Variants in MAPK10 observed in about 807,000 individuals in gnomAD.
MAPK10 encodes mitogen-activated protein kinase 10, also known as JNK3 alpha protein kinase.
MAPK10 carries 25 observed loss-of-function variants against 59.3 expected under a neutral mutation model. The observed-to-expected ratio is 0.42, with a 90% CI of 0.31 to 0.59. The LOEUF is 0.59. Ranked by LOEUF, MAPK10 falls within the 20% of genes least tolerant of loss-of-function variation. The pLI is 0.15. For synonymous variants in MAPK10, 190 were observed against 200.5 expected, an observed-to-expected ratio of 0.95 and a Z score of 0.44; for missense variants, 351 against 568.9, an observed-to-expected ratio of 0.62 and a Z score of 3.90.
intron 2 of MAPK10, among the ~76,000 whole-genome samples, chr4:86,279,861 G>A (rs1051858494): frequency 3.3e-5 from 5 of 152,202 alleles, no homozygotes; most frequent in Middle Eastern, 3.4e-3. Context: ...GTTGTTTCCC[G>A]CCCATCTTCC....
At chr4:86,573,966 A>G (rs897620365) in intron 1 of MAPK10, among the ~76,000 whole-genome samples, 12 of 152,160 alleles carry the variant, frequency 7.9e-5, no homozygotes, top group Admixed American at 4.6e-4. Flanking sequence ...CAGGTTAGTT[A>G]CATATGTATA....
At chr4:86,296,555 G>A (rs779929312) in intron 2 of MAPK10, among the ~76,000 whole-genome samples, 1 of 152,150 alleles carries the variant, frequency 6.6e-6, no homozygotes, top group Non-Finnish European at 1.5e-5. Context: ...TTAAAAATAT[G>A]TATATAGGAA....
intron 4 of MAPK10, among the ~76,000 whole-genome samples, chr4:86,136,610 G>A (rs2149161510): frequency 6.6e-6 from 1 of 150,394 alleles, no homozygotes; most frequent in East Asian, 1.9e-4. Flanking sequence ...CCGAGACTAG[G>A]AAGAAACTGC....
chr4:86,125,489 A>G (rs981266138), intron 4 of MAPK10: 5 of 152,140 alleles, frequency 3.3e-5, no homozygotes, highest in South Asian at 2.1e-4. Context: ...CATTGACAAA[A>G]TATTCCCTTT....
At chr4:86,411,009 A>G (rs1209908641) in intron 1 of MAPK10, among the ~76,000 whole-genome samples, 1 of 152,116 alleles carries the variant, frequency 6.6e-6, no homozygotes, top group Non-Finnish European at 1.5e-5. Context: ...TCAATTTTAG[A>G]TCTTTCCTGC....
chr4:86,410,356 A>G (rs1346512864), intron 1 of MAPK10, among the ~76,000 whole-genome samples: 1 of 152,134 alleles, frequency 6.6e-6, no homozygotes, highest in Non-Finnish European at 1.5e-5. Flanking sequence ...ATTGGCCTAA[A>G]ATTCTCTTTT....
At chr4:86,278,420 G>C (rs2094665870) in intron 2 of MAPK10, among the ~76,000 whole-genome samples, 2 of 152,150 alleles carry the variant, frequency 1.3e-5, no homozygotes, top group Non-Finnish European at 2.9e-5. Context: ...GGGAACGTTA[G>C]TTATGTGTAG....
chr4:86,207,057 C>CCCA (rs1397340365), intron 2 of MAPK10, among the ~76,000 whole-genome samples: 1 of 151,400 alleles, frequency 6.6e-6, no homozygotes, highest in Non-Finnish European at 1.5e-5. Flanking sequence ...TTAATTAGAT[C>CCCA]CCATTTGTCA....
chr4:86,517,400 C>G (rs1032766360), intron 1 of MAPK10, among the ~76,000 whole-genome samples: 1 of 151,104 alleles, frequency 6.6e-6, no homozygotes, highest in East Asian at 1.9e-4. Flanking sequence ...CTCAGCTTCG[C>G]GAGTAGCTGA....
At chr4:86,185,750 G>C (rs2078067026) in intron 3 of MAPK10, among the ~76,000 whole-genome samples, 1 of 152,154 alleles carries the variant, frequency 6.6e-6, no homozygotes, top group Admixed American at 6.6e-5. Flanking sequence ...TTTGCTGACA[G>C]CTTGAATATG....
chr4:86,342,239 C>T (rs895936759), intron 2 of MAPK10, among the ~76,000 whole-genome samples: 1 of 152,118 alleles, frequency 6.6e-6, no homozygotes, highest in African/African-American at 2.4e-5. Flanking sequence ...CAATGAAATT[C>T]AAATACTGTT....
intron 13 of MAPK10, chr4:86,020,307 C>T (rs1745754066): frequency 6.6e-6 from 1 of 151,658 alleles, no homozygotes; most frequent in African/African-American, 2.4e-5. Flanking sequence ...GGATACATCA[C>T]ATTTTGTTTA....
intron 2 of MAPK10, among the ~76,000 whole-genome samples, chr4:86,314,345 G>A (rs1463132856): frequency 1.3e-5 from 2 of 152,128 alleles, no homozygotes; most frequent in African/African-American, 4.8e-5. Flanking sequence ...GGAGGAACCC[G>A]GTGGGAGATA....
At chr4:86,255,103 A>G (rs1359069968) in intron 2 of MAPK10, among the ~76,000 whole-genome samples, 1 of 152,144 alleles carries the variant, frequency 6.6e-6, no homozygotes, top group Non-Finnish European at 1.5e-5. Context: ...AAAAAGAAAA[A>G]AAAGAAGAGA....
Position 86,555,932 on chromosome 4 carries a change from A to G in MAPK10, c.-263+37978T>C, listed in dbSNP as rs138028369. Among the ~76,000 whole-genome samples, 803 of 152,320 alleles carry G rather than the reference A, an allele frequency of 5.3e-3. 6 individuals are homozygous for G. Among genetic ancestry groups the G allele is most frequent in the African/African-American group, 0.018 (768 of 41,574 alleles). ...CCACACCATTCCTTATAATATCAGGAAGCTCATTAATAAAGTGGTTTAATT... is the reference window on the plus strand; with the variant it reads ...CCACACCATTCCTTATAATATCAGGGAGCTCATTAATAAAGTGGTTTAATT... On this transcript the variant is annotated intron_variant, in intron 1 of 4. Transcript: ENST00000502302.
chr4:86,102,082 G>A (rs1250680400), intron 6 of MAPK10, 50 bp from the exon 7 acceptor site: 4 of 1,558,940 alleles, frequency 2.6e-6, no homozygotes, highest in Non-Finnish European at 3.5e-6. Context: ...GATCTATGAA[G>A]TCCTTTGATT....
intron 2 of MAPK10, among the ~76,000 whole-genome samples, chr4:86,332,172 A>G (rs1041908995): frequency 2.0e-5 from 3 of 152,186 alleles, no homozygotes; most frequent in Non-Finnish European, 2.9e-5. Flanking sequence ...AGAAGTACAA[A>G]AAAATTAAGA....
At chr4:86,395,059 G>T (rs1163250596) in intron 1 of MAPK10, among the ~76,000 whole-genome samples, 3 of 54,520 alleles carry the variant, frequency 5.5e-5, no homozygotes, top group African/African-American at 2.3e-4. Flanking sequence ...CTCATTCACA[G>T]TATTGAGTCA....
intron 1 of MAPK10, among the ~76,000 whole-genome samples, chr4:86,526,234 A>G (rs1428897435): frequency 1.3e-5 from 2 of 152,012 alleles, no homozygotes; most frequent in African/African-American, 4.8e-5. Flanking sequence ...TTTTATTACT[A>G]ATTTTGGAAC....
Sources: allele counts gnomAD v4.1 joint callset (sites outside exome capture counted in the v4.1 genomes callset), GRCh38; gene constraint gnomAD v4.1.1; transcripts MANE v1.5; gene names NCBI Gene and HGNC (gene_info 2026-07-23, HGNC 2026-07-21).